PRKCE: variants seen among roughly 807,000 people sequenced by gnomAD.
The protein encoded by PRKCE is protein kinase C epsilon type.
A neutral mutation model predicts 85.4 loss-of-function variants in PRKCE; 16 were observed. The observed-to-expected ratio is 0.19, with a 90% CI of 0.13 to 0.28. PRKCE has a LOEUF of 0.28. PRKCE is among the 10% of genes least tolerant of loss of function. PRKCE has a pLI of 1.00. For synonymous variants in PRKCE, 388 were observed against 371.5 expected (o/e 1.04, Z -0.51); for missense variants, 573 against 975.2 (o/e 0.59, Z 5.49).
At chr2:45,932,114 A>G (rs1699091925) in intron 2 of PRKCE, among the ~76,000 whole-genome samples, 1 of 151,556 alleles carries the variant, frequency 6.6e-6, no homozygotes, top group South Asian at 2.1e-4. Flanking sequence ...ACTACCCCTC[A>G]CCCAACTTCT....
chr2:45,942,264 G>T (rs955056865), intron 2 of PRKCE, among the ~76,000 whole-genome samples: 21 of 152,276 alleles, frequency 1.4e-4, no homozygotes, highest in Admixed American at 1.3e-3. Context: ...AATTAGAGAA[G>T]CGTTTCTGGC....
intron 2 of PRKCE, among the ~76,000 whole-genome samples, chr2:45,920,279 T>G (rs1273897145): frequency 6.6e-6 from 1 of 152,224 alleles, no homozygotes; most frequent in Non-Finnish European, 1.5e-5. Flanking sequence ...AGGCCTCAGC[T>G]TGGGGCTTTC....
intron 10 of PRKCE, among the ~76,000 whole-genome samples, chr2:46,079,640 A>T (rs1006590393): frequency 7.2e-5 from 11 of 152,220 alleles, no homozygotes; most frequent in Non-Finnish European, 1.5e-4. Flanking sequence ...CCTGGTCTTT[A>T]GTTGGTCATT....
chr2:45,866,648 C>T (rs1480570965), intron 2 of PRKCE, among the ~76,000 whole-genome samples: 9 of 152,288 alleles, frequency 5.9e-5, no homozygotes, highest in East Asian at 5.8e-4. Context: ...AAGCAGGCGA[C>T]GGTGTTAATC....
At chr2:45,837,690 TCTTC>T (rs948174346) in intron 1 of PRKCE, among the ~76,000 whole-genome samples, 3 of 152,216 alleles carry the variant, frequency 2.0e-5, no homozygotes, top group African/African-American at 7.2e-5. Flanking sequence ...TGGCCACCTA[TCTTC>T]CTTAACCCCA....
intron 11 of PRKCE, among the ~76,000 whole-genome samples, chr2:46,095,784 A>G (rs978911934): frequency 6.6e-6 from 1 of 152,388 alleles, no homozygotes. Flanking sequence ...GAAGGAAAGT[A>G]AAATAGTGGT....
At chr2:45,803,923 G>A (rs768258983) in intron 1 of PRKCE, among the ~76,000 whole-genome samples, 11 of 152,214 alleles carry the variant, frequency 7.2e-5, no homozygotes, top group Non-Finnish European at 1.5e-4. Flanking sequence ...TGTTTAATGG[G>A]CAAAGCTGGA....
At chr2:45,849,435 C>T (rs1692065602) in intron 2 of PRKCE, among the ~76,000 whole-genome samples, 1 of 152,162 alleles carries the variant, frequency 6.6e-6, no homozygotes, top group Admixed American at 6.5e-5. Flanking sequence ...CTCTTCCTCT[C>T]CATCCTTTCA....
At chr2:45,928,521 C>T (rs1037466393) in intron 2 of PRKCE, among the ~76,000 whole-genome samples, 1 of 152,184 alleles carries the variant, frequency 6.6e-6, no homozygotes, top group Non-Finnish European at 1.5e-5. Context: ...CTGCCCGCCT[C>T]GGCTTCCCAA....
At chr2:46,096,793 C>G (rs1341364939) in intron 11 of PRKCE, among the ~76,000 whole-genome samples, 1 of 152,214 alleles carries the variant, frequency 6.6e-6, no homozygotes, top group Non-Finnish European at 1.5e-5. Context: ...TTGCCACTTA[C>G]TAACTGTGTA....
At chr2:45,847,407 C>T (rs1270911196) in intron 2 of PRKCE, among the ~76,000 whole-genome samples, 1 of 152,214 alleles carries the variant, frequency 6.6e-6, no homozygotes, top group Non-Finnish European at 1.5e-5. Context: ...ATCCCTTAAC[C>T]TTTCAGAAGG....
At chr2:46,079,187 A>AG (rs1668829761) in intron 10 of PRKCE, among the ~76,000 whole-genome samples, 1 of 151,656 alleles carries the variant, frequency 6.6e-6, no homozygotes, top group Non-Finnish European at 1.5e-5. Context: ...AAAAAAAAAA[A>AG]AAAAAGAAAA....
At chr2:46,120,543 T>A (rs1574521361) in intron 11 of PRKCE, among the ~76,000 whole-genome samples, 1 of 152,214 alleles carries the variant, frequency 6.6e-6, no homozygotes, top group Non-Finnish European at 1.5e-5. Flanking sequence ...TCTCTTGTTT[T>A]GGCTAGTAAG....
chr2:46,078,540 G>GA (rs10569183), intron 10 of PRKCE, among the ~76,000 whole-genome samples: 9 of 140,384 alleles, frequency 6.4e-5, no homozygotes, highest in African/African-American at 1.4e-4. Context: ...ACCCTGTCTT[G>GA]AAAAAAAAAA....
intron 5 of PRKCE, 98 bp downstream of exon 5, chr2:45,980,479 G>A (rs7557421): frequency 0.07 from 78,252 of 1,119,318 alleles, 3,154 homozygotes; most frequent in Middle Eastern, 0.16. Context: ...CTCTGCCTGA[G>A]ACCCTGTCAT....
rs1669561945 is a variant in PRKCE at position 46,085,746 on chromosome 2, T to TTG, written c.1438-461_1438-460insGT. Among the ~76,000 whole-genome samples the TTG allele has an allele frequency of 3.1e-4, 8 of 25,402 alleles. 1 individual carries two copies. The highest frequency in any genetic ancestry group is 8.8e-4 in the East Asian group (1 of 1,134). The allele number at this position is 25,402 out of a possible 152,430, so 16.7% of individuals were successfully genotyped here. On this transcript the variant is annotated intron_variant, in intron 10 of 14. Transcript: ENST00000306156. ...ACATCTGCAAAATCCGTTTTTTTTT[T>TTG]TTGTTTTTGTTTTTTTTTTTTTTTT... is the stretch of plus-strand genomic sequence containing the variant.
intron 1 of PRKCE, among the ~76,000 whole-genome samples, chr2:45,759,267 T>C (rs1684248898): frequency 6.6e-6 from 1 of 152,224 alleles, no homozygotes; most frequent in African/African-American, 2.4e-5. Flanking sequence ...TAGTATGTCT[T>C]GAGCTGCTCT....
At chr2:46,101,211 C>T (rs777924278) in intron 11 of PRKCE, among the ~76,000 whole-genome samples, 21 of 152,150 alleles carry the variant, frequency 1.4e-4, no homozygotes, top group Non-Finnish European at 2.6e-4. Flanking sequence ...ACAGTCTCTG[C>T]CCCTTTGGCA....
intron 1 of PRKCE, among the ~76,000 whole-genome samples, chr2:45,778,950 C>T (rs57030363): frequency 0.01 from 1,536 of 152,324 alleles, 13 homozygotes; most frequent in African/African-American, 0.035. Flanking sequence ...TCTCTTAAAA[C>T]TTGGAGTTAC....
Sources: gnomAD v4.1 joint callset for allele counts (sites outside exome capture counted in the v4.1 genomes callset) on GRCh38, gnomAD v4.1.1 for gene constraint, MANE v1.5 for transcripts, NCBI Gene and HGNC (gene_info 2026-07-23, HGNC 2026-07-21) for gene names.